The following PUDP variants were observed in gnomAD, a reference collection of about 807,000 sequenced individuals.
The protein encoded by PUDP is pseudouridine-5'-phosphatase.
A neutral mutation model predicts 9.4 loss-of-function variants in PUDP; 8 were observed. The observed-to-expected ratio is 0.85, with a 90% confidence interval of 0.50 to 1.53. PUDP has a LOEUF of 1.53. Among genes scored for constraint, PUDP ranks in the 40% most tolerant of loss-of-function variants. PUDP has a pLI of 0.00. For missense variants in PUDP, 188 were observed against 189.7 expected (o/e 0.99, Z 0.05); for synonymous variants, 99 against 80.7 (o/e 1.23, Z -1.22).
intron 3 of PUDP, among the ~76,000 whole-genome samples, chrX:6,817,954 A>G (rs1926278135): frequency 8.9e-6 from 1 of 112,054 alleles, no homozygotes; most frequent in African/African-American, 3.2e-5. Flanking sequence ...TATTTTCCAC[A>G]TAAGTCCACA....
intron 3 of PUDP, among the ~76,000 whole-genome samples, chrX:6,901,850 CAGATCATGAG>C (rs1308639687): frequency 7.1e-5 from 8 of 111,916 alleles, no homozygotes; most frequent in African/African-American, 1.3e-4. Flanking sequence ...TAGAGCTGGG[CAGATCATGAG>C]AAATACTCTT....
At chrX:7,036,023 C>T (rs993437892) in intron 1 of PUDP, among the ~76,000 whole-genome samples, 1 of 112,061 alleles carries the variant, frequency 8.9e-6, no homozygotes, top group Non-Finnish European at 1.9e-5. Flanking sequence ...GTAATCTCTG[C>T]ACATGCTGGC....
At chrX:6,750,894 C>G (rs1230013511) in intron 3 of PUDP, among the ~76,000 whole-genome samples, 1 of 111,467 alleles carries the variant, frequency 9.0e-6, no homozygotes, top group Non-Finnish European at 1.9e-5. Context: ...AATCCCAGCA[C>G]TTTGGGAGGC....
At chrX:6,817,363 A>G (rs1403692737) in intron 3 of PUDP, among the ~76,000 whole-genome samples, 1 of 111,602 alleles carries the variant, frequency 9.0e-6, no homozygotes, top group Non-Finnish European at 1.9e-5. Context: ...ACCAGCCACC[A>G]TGCCCCGCCT....
intron 3 of PUDP, among the ~76,000 whole-genome samples, chrX:6,738,485 C>T (rs777199473): frequency 9.0e-6 from 1 of 111,714 alleles, no homozygotes; most frequent in Non-Finnish European, 1.9e-5. Context: ...AGTCTCCAAG[C>T]GTGGAATCCA....
chrX:6,891,782 C>T (rs899414039), intron 3 of PUDP, among the ~76,000 whole-genome samples: 4 of 112,019 alleles, frequency 3.6e-5, no homozygotes, highest in African/African-American at 1.3e-4. Context: ...GTGGAAGGGG[C>T]ACCTCTTCCA....
intron 3 of PUDP, among the ~76,000 whole-genome samples, chrX:6,944,384 A>G (rs1175496462): frequency 9.0e-6 from 1 of 111,653 alleles, no homozygotes; most frequent in African/African-American, 3.3e-5. Context: ...TCTTTACAGC[A>G]GTGTGAAAAT....
At chrX:6,966,544 TA>T (rs1928787946) in intron 3 of PUDP, among the ~76,000 whole-genome samples, 1 of 73,813 alleles carries the variant, frequency 1.4e-5, no homozygotes, top group Non-Finnish European at 2.8e-5. Flanking sequence ...ATCGCCTTCA[TA>T]TTTTTTTTTT....
At chrX:6,811,356 C>A (rs1341652990) in intron 3 of PUDP, among the ~76,000 whole-genome samples, 2 of 110,507 alleles carry the variant, frequency 1.8e-5, no homozygotes, top group East Asian at 5.7e-4. Flanking sequence ...ACTCTGTCAC[C>A]CACGCTGGAG....
chrX:7,148,096 C>G lies in PUDP; in HGVS notation c.18G>C (p.Gln6His), dbSNP rs1932917821. The G allele has an allele frequency of 1.8e-6, 2 of 1,128,988 alleles. No homozygotes were observed. Among genetic ancestry groups the G allele is most frequent in the African/African-American group, 3.8e-5 (2 of 52,316 alleles). 93.0% of individuals were successfully genotyped at this position (1,128,988 alleles called of 1,213,427 possible). A position where few individuals can be genotyped will look rare whatever the true frequency, so the allele number is the denominator to read the frequency against. The change falls in exon 1 of 4, where the codon CAG becomes CAC. Residue 6 changes from glutamine to histidine, a missense_variant. Coordinates refer to ENST00000381077, the MANE Select transcript of PUDP (RefSeq NM_012080.5). MAAPP[Q>H]PVTHLIFDMD... ...TGTCAAAGATGAGGTGGGTGACGGG[C>G]TGCGGGGGCGCCGCCATGGTGGCGC...
At chrX:6,979,586 A>G (rs1406545479) in intron 1 of PUDP, among the ~76,000 whole-genome samples, 1 of 111,970 alleles carries the variant, frequency 8.9e-6, no homozygotes, top group African/African-American at 3.2e-5. Flanking sequence ...TAATAGAATC[A>G]TTTTATTGGA....
rs1457390643 is a variant in PUDP at position 7,091,576 on chromosome X, A to C, written c.280+14044T>G. Among the ~76,000 whole-genome samples the C allele has an allele frequency of 5.5e-5, 6 of 110,035 alleles. No homozygotes were observed. In the Admixed American group the frequency reaches 5.7e-4, roughly 11 times the overall value. ...GGCTGGTCTCGAACTCCTGACCTCAAGTGATCCACCTGCCTTGGCCTCCCA... is the reference window on the plus strand; with the variant it reads ...GGCTGGTCTCGAACTCCTGACCTCACGTGATCCACCTGCCTTGGCCTCCCA... On this transcript the variant is annotated intron_variant, in intron 2 of 3. Transcript: ENST00000381077.
At chrX:6,990,162 T>C (rs1929157538) in intron 1 of PUDP, among the ~76,000 whole-genome samples, 1 of 111,486 alleles carries the variant, frequency 9.0e-6, no homozygotes, top group Admixed American at 9.5e-5. Flanking sequence ...AAGGCTGTTA[T>C]CTCCCAACTT....
At chrX:6,854,402 T>C (rs918319179) in intron 3 of PUDP, among the ~76,000 whole-genome samples, 2 of 112,270 alleles carry the variant, frequency 1.8e-5, no homozygotes, top group Non-Finnish European at 3.8e-5. Flanking sequence ...TTGGTCTGTG[T>C]AATTTTGTCG....
At chrX:7,070,486 G>A (rs1333092951) in intron 3 of PUDP, among the ~76,000 whole-genome samples, 1 of 111,234 alleles carries the variant, frequency 9.0e-6, no homozygotes, top group Non-Finnish European at 1.9e-5. Context: ...GGCTGTGCCC[G>A]TAACTCAGTG....
intron 3 of PUDP, among the ~76,000 whole-genome samples, chrX:6,804,345 T>C (rs1271536986): frequency 1.1e-4 from 12 of 112,074 alleles, no homozygotes; most frequent in African/African-American, 3.9e-4. Flanking sequence ...ACCTGAAACT[T>C]GTAGATACAG....
intron 3 of PUDP, among the ~76,000 whole-genome samples, chrX:6,879,465 C>CAT (rs200030424): frequency 9.1e-6 from 1 of 109,585 alleles, no homozygotes; most frequent in East Asian, 2.8e-4. Context: ...CACACACACA[C>CAT]GTGTACATCA....
intron 3 of PUDP, among the ~76,000 whole-genome samples, chrX:6,906,578 T>C (rs1487512336): frequency 1.8e-5 from 2 of 112,033 alleles, no homozygotes; most frequent in African/African-American, 6.5e-5. Flanking sequence ...GAAACAGACA[T>C]GCTGGGCATG....
chrX:6,898,527 T>C (rs1927625418), intron 3 of PUDP, among the ~76,000 whole-genome samples: 1 of 111,912 alleles, frequency 8.9e-6, no homozygotes, highest in Non-Finnish European at 1.9e-5. Flanking sequence ...TGACTCTGGT[T>C]ACTTTTTAAA....
Sources: allele counts gnomAD v4.1 joint callset (sites outside exome capture counted in the v4.1 genomes callset), GRCh38; gene constraint gnomAD v4.1.1; transcripts MANE v1.5; gene names NCBI Gene and HGNC (gene_info 2026-07-23, HGNC 2026-07-21).